YWHAE: variants seen among roughly 807,000 people sequenced by gnomAD.
The protein encoded by YWHAE is tyrosine 3-monooxygenase/tryptophan 5-monooxygenase activation protein epsilon, also known as 14-3-3 protein epsilon.
A neutral mutation model predicts 30.1 loss-of-function variants in YWHAE; 4 were observed. The observed-to-expected ratio is 0.13, with a 90% confidence interval of 0.07 to 0.30. The LOEUF is 0.30. Ranked by LOEUF, YWHAE falls within the 10% of genes least tolerant of loss-of-function variation. The pLI, the probability that YWHAE is intolerant of heterozygous loss-of-function variation, is 1.00. For missense variants in YWHAE, 121 were observed against 315.9 expected (o/e 0.38, Z 4.68); for synonymous variants, 118 against 111.8 (o/e 1.06, Z -0.35).
intron 1 of YWHAE, among the ~76,000 whole-genome samples, chr17:1,388,574 C>CTT (rs61089437): frequency 8.1e-5 from 11 of 135,630 alleles, no homozygotes; most frequent in Admixed American, 3.0e-4. Flanking sequence ...CATGCCCAGC[C>CTT]TTTTTTTTTT....
At chr17:1,385,174 A>AATGAATAC (rs2073282401) in intron 1 of YWHAE, among the ~76,000 whole-genome samples, 1 of 151,886 alleles carries the variant, frequency 6.6e-6, no homozygotes, top group Non-Finnish European at 1.5e-5. Flanking sequence ...GTAAAGATAA[A>AATGAATAC]ATGAATACAG....
intron 2 of YWHAE, among the ~76,000 whole-genome samples, chr17:1,362,243 C>G (rs935685226): frequency 6.6e-6 from 1 of 152,086 alleles, no homozygotes; most frequent in Non-Finnish European, 1.5e-5. Context: ...CATGCAGGCA[C>G]GCACACACGC....
chr17:1,359,439 G>GA (rs2072817037), intron 4 of YWHAE, among the ~76,000 whole-genome samples: 2 of 152,132 alleles, frequency 1.3e-5, no homozygotes, highest in African/African-American at 4.8e-5. Context: ...GGAAAAGGTG[G>GA]AAACCCACTG....
intron 1 of YWHAE, among the ~76,000 whole-genome samples, chr17:1,386,832 T>C (rs2073307532): frequency 6.6e-6 from 1 of 152,014 alleles, no homozygotes; most frequent in Admixed American, 6.6e-5. Flanking sequence ...CAGGTGCCTG[T>C]AATCCCAGCT....
rs187684285 is a variant in YWHAE at position 1,354,863 on chromosome 17, C to T, written c.579-516G>A. 4.8e-3 allele frequency among the ~76,000 whole-genome samples: 725 copies of T among 150,134 alleles called. 5 individuals are homozygous for T. Among genetic ancestry groups the T allele is most frequent in the African/African-American group, 0.017 (685 of 41,100 alleles). On this transcript the variant is annotated intron_variant, in intron 4 of 5. Coordinates refer to ENST00000264335, the MANE Select transcript of YWHAE (RefSeq NM_006761.5). ...ATTTTTAGTAGAGATGGGGTTTCAC[C>T]GTGTTAGCCAGGATGGTCTCGATCT...
At chr17:1,380,473 T>C (rs1411639944) in intron 1 of YWHAE, among the ~76,000 whole-genome samples, 2 of 152,308 alleles carry the variant, frequency 1.3e-5, no homozygotes, top group East Asian at 1.9e-4. Flanking sequence ...TAGGAGCTTG[T>C]TCCTCATCCA....
intron 1 of YWHAE, among the ~76,000 whole-genome samples, chr17:1,394,555 A>G (rs985248058): frequency 6.6e-6 from 1 of 151,608 alleles, no homozygotes; most frequent in South Asian, 2.1e-4. Flanking sequence ...GCAGTAAGCT[A>G]TAATGGCGAC....
At chr17:1,370,420 C>T (rs532702977) in intron 1 of YWHAE, among the ~76,000 whole-genome samples, 14 of 151,898 alleles carry the variant, frequency 9.2e-5, no homozygotes, top group South Asian at 2.1e-4. Context: ...CGTGAGCCAC[C>T]GCGACTGGCC....
At chr17:1,391,697 C>G (rs993260870) in intron 1 of YWHAE, among the ~76,000 whole-genome samples, 5 of 152,128 alleles carry the variant, frequency 3.3e-5, no homozygotes, top group African/African-American at 1.2e-4. Context: ...ATCAAGCTGG[C>G]CGGGCGCAGT....
intron 4 of YWHAE, among the ~76,000 whole-genome samples, chr17:1,355,744 CAAG>C (rs1405653399): frequency 1.3e-5 from 2 of 152,078 alleles, no homozygotes; most frequent in East Asian, 3.9e-4. Flanking sequence ...AACTATTTTA[CAAG>C]GAGGAGGCTG....
chr17:1,396,809 A>C (rs1204728895), intron 1 of YWHAE, among the ~76,000 whole-genome samples: 1 of 151,814 alleles, frequency 6.6e-6, no homozygotes, highest in East Asian at 1.9e-4. Context: ...TTTACTACAG[A>C]CGGGGTTTCT....
intron 1 of YWHAE, among the ~76,000 whole-genome samples, chr17:1,398,465 A>G (rs2073510176): frequency 6.6e-6 from 1 of 151,962 alleles, no homozygotes; most frequent in Non-Finnish European, 1.5e-5. Flanking sequence ...CCTGAATCTT[A>G]TTTCTGATGA....
intron 5 of YWHAE, among the ~76,000 whole-genome samples, chr17:1,347,482 C>A (rs373665421): frequency 6.6e-6 from 1 of 151,382 alleles, no homozygotes; most frequent in East Asian, 1.9e-4. Flanking sequence ...AACTCCGTCT[C>A]AAAAAAATGT....
chr17:1,393,336 A>G (rs966505780), intron 1 of YWHAE, among the ~76,000 whole-genome samples: 2 of 151,186 alleles, frequency 1.3e-5, no homozygotes, highest in Middle Eastern at 3.4e-3. Flanking sequence ...AAAAAAAAGG[A>G]AAAAGATAAA....
At chr17:1,400,022 G>C (rs779692191) in intron 1 of YWHAE, 25 bp downstream of exon 1, 2 of 1,605,616 alleles carry the variant, frequency 1.2e-6, no homozygotes, top group East Asian at 4.5e-5. Flanking sequence ...GAGAATTCCA[G>C]CCCCCCGTTG....
At chr17:1,368,508 G>T (rs1277241942) in intron 1 of YWHAE, among the ~76,000 whole-genome samples, 1 of 150,718 alleles carries the variant, frequency 6.6e-6, no homozygotes, top group Non-Finnish European at 1.5e-5. Flanking sequence ...GGGTTGCACT[G>T]AGCTGAGATC....
At chr17:1,356,365 AAAG>A (rs571102098) in intron 4 of YWHAE, among the ~76,000 whole-genome samples, 184 of 152,296 alleles carry the variant, frequency 1.2e-3, no homozygotes, top group Non-Finnish European at 2.2e-3. Flanking sequence ...CACAAAAACA[AAAG>A]AAGAAGAAGA....
chr17:1,393,076 C>T (rs74969261), intron 1 of YWHAE, among the ~76,000 whole-genome samples: 9,300 of 151,296 alleles, frequency 0.061, 346 homozygotes, highest in Non-Finnish European at 0.081. Flanking sequence ...AGTGGTGGAT[C>T]GCGCCACTGT....
chr17:1,359,959 GGAGA>G lies in YWHAE; in HGVS notation c.578+1129_578+1132del, dbSNP rs1311826142. Among the ~76,000 whole-genome samples, 255 of 109,086 alleles carry G rather than the reference GGAGA, an allele frequency of 2.3e-3. 4 individuals are homozygous for G. The highest frequency in any genetic ancestry group is 8.1e-3 in the African/African-American group (235 of 28,852). The allele number at this position is 109,086 out of a possible 152,430, so 71.6% of individuals were successfully genotyped here. On this transcript the variant is annotated intron_variant, in intron 4 of 5. Transcript: ENST00000264335. Reference sequence around the variant, plus strand: ...AGGAGGGGGAGGGGGGGAGAGAGGGGGAGAGAGAGAGAGAGAGATTTGAAAAAAA... The same window carrying G: ...AGGAGGGGGAGGGGGGGAGAGAGGGGGAGAGAGAGAGAGATTTGAAAAAAA...
Sources: gnomAD v4.1 joint callset for allele counts (sites outside exome capture counted in the v4.1 genomes callset) on GRCh38, gnomAD v4.1.1 for gene constraint, MANE v1.5 for transcripts, NCBI Gene and HGNC (gene_info 2026-07-23, HGNC 2026-07-21) for gene names.